The following FAT3 variants were observed in gnomAD, a reference collection of about 807,000 sequenced individuals.
FAT3 encodes the protein protocadherin Fat 3.
A neutral mutation model predicts 310.2 loss-of-function variants in FAT3; 95 were observed. The observed-to-expected ratio is 0.31, with a 90% CI of 0.26 to 0.36. FAT3 has a LOEUF of 0.36. Among genes scored for constraint, FAT3 ranks in the 10% least tolerant of loss-of-function variants. FAT3 has a pLI of 1.00. For missense variants in FAT3, 5,408 were observed against 5,715.6 expected (o/e 0.95, Z 1.74); for synonymous variants, 2,314 against 2,192.9 (o/e 1.06, Z -1.54).
intron 21 of FAT3, among the ~76,000 whole-genome samples, chr11:92,866,485 A>G (rs1274957946): frequency 6.6e-6 from 1 of 152,222 alleles, no homozygotes; most frequent in African/African-American, 2.4e-5. Context: ...ATTCTTAAAT[A>G]TAATTGTGGA....
In FAT3 at chr11:92,346,532, C is replaced by A. The variant is rs562885749; in HGVS notation, c.-17-5564C>A. The stretch of plus-strand genomic sequence containing the variant: ...TATTAGGTGTGGTCCCTCTCTGGAC[C>A]CTTTATCCTTACCTCAGTTTTACTC... On this transcript the variant is annotated intron_variant, in intron 1 of 27. Coordinates refer to ENST00000525166, the MANE Select transcript of FAT3 (RefSeq NM_001367949.2). Among the ~76,000 whole-genome samples, 4 of 152,142 alleles carry A rather than the reference C, an allele frequency of 2.6e-5. No individual in the cohort carries two copies. The East Asian group carries it at 7.7e-4, about 29-fold the overall frequency.
At chr11:92,584,873 T>A (rs1182697409) in intron 3 of FAT3, among the ~76,000 whole-genome samples, 1 of 152,036 alleles carries the variant, frequency 6.6e-6, no homozygotes, top group East Asian at 1.9e-4. Flanking sequence ...GAAAATTAAG[T>A]CATTATCTCA....
Position 92,403,105 on chromosome 11 carries a change from A to G in FAT3, c.3292+47701A>G, listed in dbSNP as rs937135385. 5 of 152,368 alleles carry G rather than the reference A, an allele frequency of 3.3e-5. No homozygotes were observed. In the South Asian group the frequency reaches 1.0e-3, roughly 32 times the overall value. 9.4% of individuals were successfully genotyped at this position (152,368 alleles called of 1,614,324 possible). ...CTTGGTAGTACCATGGCCTCAGCTT[A>G]CATACGCAGAGCTTGAGCTCCTCTC... is the stretch of plus-strand genomic sequence containing the variant. On this transcript the variant is annotated intron_variant, in intron 2 of 27. Transcript: ENST00000525166.
intron 3 of FAT3, among the ~76,000 whole-genome samples, chr11:92,591,878 A>G (rs1939443363): frequency 6.6e-6 from 1 of 152,208 alleles, no homozygotes; most frequent in South Asian, 2.1e-4. Context: ...GAAAGGGCCG[A>G]CTACCTAGGC....
In FAT3 at chr11:92,524,627, G is replaced by A. The variant is rs746932668; in HGVS notation, c.3293-7G>A. On this transcript the variant is annotated splice_polypyrimidine_tract_variant and splice_region_variant and intron_variant, in intron 2 of 27. Transcript: ENST00000525166. ...TGTGACAGTAACACTTCTCTTTTTTGTCTCAGGGGTCATCACTGCCGCAGA... is the reference window on the plus strand; with the variant it reads ...TGTGACAGTAACACTTCTCTTTTTTATCTCAGGGGTCATCACTGCCGCAGA... The A allele has an allele frequency of 2.5e-6, 4 of 1,596,280 alleles. No individual in the cohort carries two copies. The highest frequency in any genetic ancestry group is 2.3e-5 in the South Asian group (2 of 88,664).
At chr11:92,819,830 T>G (rs1361765272) in intron 13 of FAT3, among the ~76,000 whole-genome samples, 1 of 152,172 alleles carries the variant, frequency 6.6e-6, no homozygotes, top group Non-Finnish European at 1.5e-5. Flanking sequence ...CAGGTGCTGT[T>G]CATACCACAG....
intron 3 of FAT3, among the ~76,000 whole-genome samples, chr11:92,606,389 G>A (rs1425235804): frequency 1.3e-5 from 2 of 152,168 alleles, no homozygotes; most frequent in Non-Finnish European, 2.9e-5. Flanking sequence ...CCTTCTAGGA[G>A]AATGGAGACT....
intron 3 of FAT3, among the ~76,000 whole-genome samples, chr11:92,550,635 G>C (rs1267770183): frequency 6.6e-6 from 1 of 152,136 alleles, no homozygotes; most frequent in Non-Finnish European, 1.5e-5. Context: ...GCCATTGCCA[G>C]CAATTTGAGC....
At chr11:92,512,008 A>C (rs947033090) in intron 2 of FAT3, among the ~76,000 whole-genome samples, 3 of 152,152 alleles carry the variant, frequency 2.0e-5, no homozygotes, top group Non-Finnish European at 4.4e-5. Context: ...TAATGGACAC[A>C]CGTGGATAGA....
chr11:92,855,396 C>T (rs950437804), intron 19 of FAT3, among the ~76,000 whole-genome samples: 5 of 152,334 alleles, frequency 3.3e-5, no homozygotes, highest in African/African-American at 1.2e-4. Context: ...ATTGTGCTCA[C>T]CTACCTGCCA....
At position 92,267,785 on chromosome 11, in the gene FAT3, C is replaced by T. The variant is rs117536498; in HGVS notation, c.-18+42611C>T. Among the ~76,000 whole-genome samples, 21 of 152,150 alleles carry T rather than the reference C, an allele frequency of 1.4e-4. No homozygotes were observed. The South Asian group carries it at 2.5e-3, about 18-fold the overall frequency. On this transcript the variant is annotated intron_variant, in intron 1 of 27. Coordinates refer to ENST00000525166, the MANE Select transcript of FAT3 (RefSeq NM_001367949.2). Reference sequence around the variant, plus strand: ...TTATTTATTTGCTGATACTCTTTTCCTAAGCTAACACCTTAAAATTAAGTA... The same window carrying T: ...TTATTTATTTGCTGATACTCTTTTCTTAAGCTAACACCTTAAAATTAAGTA...
intron 13 of FAT3, among the ~76,000 whole-genome samples, chr11:92,811,463 T>G (rs1181721199): frequency 2.0e-5 from 3 of 152,106 alleles, no homozygotes; most frequent in Non-Finnish European, 4.4e-5. Flanking sequence ...CACATGGTGT[T>G]TTTTGAAACA....
chr11:92,335,435 G>A (rs900529816), intron 1 of FAT3, among the ~76,000 whole-genome samples: 1 of 152,110 alleles, frequency 6.6e-6, no homozygotes, highest in South Asian at 2.1e-4. Context: ...GGGTTTAAGT[G>A]AGGTAATTGT....
At chr11:92,852,072 G>T (rs1277472243) in intron 19 of FAT3, among the ~76,000 whole-genome samples, 2 of 152,144 alleles carry the variant, frequency 1.3e-5, no homozygotes, top group Admixed American at 6.6e-5. Flanking sequence ...TGGAAAGAGG[G>T]TTGCTATCCC....
intron 2 of FAT3, among the ~76,000 whole-genome samples, chr11:92,413,019 A>G (rs1219313879): frequency 6.6e-6 from 1 of 151,988 alleles, no homozygotes; most frequent in African/African-American, 2.4e-5. Flanking sequence ...GGACAAATGT[A>G]TAGTGACATT....
Position 92,883,109 on chromosome 11 carries a change from G to A in FAT3, c.12653G>A (p.Gly4218Asp), listed in dbSNP as rs1949713574. The stretch of plus-strand genomic sequence containing the variant: ...CGGAACCTGCGCGGCAGTGGGGACG[G>A]CCGCAACGTCTACCAGGAGGTGGGG... ...PFRNLRGSGD[G>D]RNVYQEVGPP... Residue 4218 changes from glycine (G) to aspartate (D), a missense_variant, in exon 24 of 28, where the codon GGC becomes GAC. Gly to Asp is a moderately conservative substitution (Grantham distance 94). Around this residue, in one of 5 missense-constraint regions of FAT3, gnomAD observed 649 missense variants for 666.2 expected, o/e 0.97. Coordinates refer to ENST00000525166, the MANE Select transcript of FAT3 (RefSeq NM_001367949.2). The surrounding 1 kb of genome is among the most constrained non-coding windows in gnomAD (Gnocchi z 4.2). 1.2e-6 allele frequency: 2 copies of A among 1,613,626 alleles called. No individual in the cohort carries two copies. The highest frequency in any genetic ancestry group is 1.7e-5 in the Admixed American group (1 of 60,010).
intron 1 of FAT3, among the ~76,000 whole-genome samples, chr11:92,261,440 T>G (rs370946891): frequency 6.6e-6 from 1 of 152,146 alleles, no homozygotes; most frequent in African/African-American, 2.4e-5. Flanking sequence ...GGGCCTCTTA[T>G]GCAGAAGGAT....
chr11:92,565,780 C>T (rs1480824122), intron 3 of FAT3, among the ~76,000 whole-genome samples: 1 of 152,090 alleles, frequency 6.6e-6, no homozygotes, highest in Non-Finnish European at 1.5e-5. Flanking sequence ...GAGCCAAAGA[C>T]AAAAACCACA....
chr11:92,647,771 C>G (rs1942219804), intron 3 of FAT3, among the ~76,000 whole-genome samples: 1 of 152,060 alleles, frequency 6.6e-6, no homozygotes, highest in Non-Finnish European at 1.5e-5. Flanking sequence ...ATACCTCTGG[C>G]CCTCTAAACA....
Sources: gnomAD v4.1 joint callset for allele counts (sites outside exome capture counted in the v4.1 genomes callset) on GRCh38, gnomAD v4.1.1 for gene constraint, gnomAD v4.1.1 regional missense constraint, Gnocchi (gnomAD v3.1) non-coding constraint, MANE v1.5 for transcripts, NCBI Gene and HGNC (gene_info 2026-07-23, HGNC 2026-07-21) for gene names.